The following VPS4B variants were observed in gnomAD, a reference collection of about 807,000 sequenced individuals.
VPS4B encodes vacuolar protein sorting 4 homolog B.
In VPS4B, 23 loss-of-function variants were observed where a neutral mutation model predicts 56.1. That is an observed-to-expected ratio of 0.41 (90% CI 0.30 to 0.58). The LOEUF is 0.58. VPS4B is among the 20% of genes least tolerant of loss of function. VPS4B has a pLI of 0.29. For missense variants in VPS4B, 372 were observed against 531.9 expected (o/e 0.70, Z 2.96); for synonymous variants, 177 against 186.0 (o/e 0.95, Z 0.39).
In VPS4B at chr18:63,410,328, T is replaced by C. The variant is rs770003960; in HGVS notation, c.258A>G (p.Pro86=). ...CTGGACTCGGCTGTCCTTCTTTCAC[T>C]GGCTTCTGTGCTTTTTTCTCTTTAT... ...LKNKEKKAQK[P]VKEGQPSPAD... Residue 86 remains proline (P), a synonymous_variant, in exon 3 of 11, where the codon CCA becomes CCG. Coordinates refer to ENST00000238497, the MANE Select transcript of VPS4B (RefSeq NM_004869.4). 1.9e-6 allele frequency: 3 copies of C among 1,614,128 alleles called. No homozygotes were observed. Among genetic ancestry groups the C allele is most frequent in the Non-Finnish European group, 8.5e-7 (1 of 1,180,030 alleles).
intron 9 of VPS4B, among the ~76,000 whole-genome samples, chr18:63,394,128 A>T (rs1915617756): frequency 6.6e-6 from 1 of 152,236 alleles, no homozygotes; most frequent in African/African-American, 2.4e-5. Context: ...AGTTAAAAAA[A>T]AAATAGTTAC....
chr18:63,393,850 C>T (rs1255085680), intron 9 of VPS4B, among the ~76,000 whole-genome samples: 1 of 151,952 alleles, frequency 6.6e-6, no homozygotes, highest in African/African-American at 2.4e-5. Flanking sequence ...GATTCTCATC[C>T]CTCAGCCTCC....
At chr18:63,417,779 T>C (rs1971848534) in intron 1 of VPS4B, among the ~76,000 whole-genome samples, 1 of 152,192 alleles carries the variant, frequency 6.6e-6, no homozygotes. Flanking sequence ...TCTAGCACAG[T>C]GGCTGACACA....
Position 63,400,713 on chromosome 18 carries a change from A to T in VPS4B, c.485-10T>A. 6.3e-7 allele frequency: 1 copy of T among 1,594,498 alleles called. No homozygotes were observed. Among genetic ancestry groups the T allele is most frequent in the Non-Finnish European group, 8.5e-7 (1 of 1,175,524 alleles). ...CAAGGTGTTCTCTTGCCTAAAATTTAGATTTAGAAAAATGTCATGAGAATT... is the reference window on the plus strand; with the variant it reads ...CAAGGTGTTCTCTTGCCTAAAATTTTGATTTAGAAAAATGTCATGAGAATT... On this transcript the variant is annotated splice_polypyrimidine_tract_variant and intron_variant, in intron 5 of 10. Transcript: ENST00000238497.
At chr18:63,411,344 T>A (rs76661872) in intron 2 of VPS4B, 123 bp downstream of exon 2, 1 of 218,664 alleles carries the variant, frequency 4.6e-6, no homozygotes, top group Non-Finnish European at 7.9e-6. Flanking sequence ...AAGTGGAGTA[T>A]TTTTTTTTTT....
At chr18:63,400,271 A>C in intron 6 of VPS4B, 75 bp from the exon 7 acceptor site, 1 of 1,392,744 alleles carries the variant, frequency 7.2e-7, no homozygotes, top group South Asian at 1.4e-5. Flanking sequence ...TCAATATTAC[A>C]AGAACTCTGT....
At chr18:63,395,491 G>C (rs1353928337) in intron 9 of VPS4B, among the ~76,000 whole-genome samples, 2 of 152,082 alleles carry the variant, frequency 1.3e-5, no homozygotes, top group Admixed American at 1.3e-4. Flanking sequence ...AGAAGTAATA[G>C]AATTTGCTCA....
chr18:63,412,346 A>T (rs1274371026), intron 1 of VPS4B, among the ~76,000 whole-genome samples: 1 of 152,248 alleles, frequency 6.6e-6, no homozygotes, highest in Non-Finnish European at 1.5e-5. Context: ...AAAAGATGGG[A>T]AGGAAATTGT....
intron 8 of VPS4B, among the ~76,000 whole-genome samples, chr18:63,398,224 T>TA (rs200704125): frequency 0.03 from 1,409 of 46,604 alleles, 30 homozygotes; most frequent in African/African-American, 0.078. Flanking sequence ...TATATATATA[T>TA]TTTTTTTTGA....
intron 3 of VPS4B, among the ~76,000 whole-genome samples, chr18:63,409,741 A>G (rs1315191577): frequency 6.6e-6 from 1 of 152,248 alleles, no homozygotes; most frequent in Non-Finnish European, 1.5e-5. Context: ...CATAAAGCAA[A>G]TCTAACACAA....
At position 63,406,283 on chromosome 18, in the gene VPS4B, T is replaced by C. The variant is rs115919888; in HGVS notation, c.364+1149A>G. ...GGACTATATCTACCACTGAAGTTCT[T>C]GGCATCTAAAGATGTTCTCTATTCA... On this transcript the variant is annotated intron_variant, in intron 4 of 10. Transcript: ENST00000238497. Among the ~76,000 whole-genome samples, 1,065 of 152,320 alleles carry C rather than the reference T, an allele frequency of 7.0e-3. 11 individuals carry two copies. The highest frequency in any genetic ancestry group is 0.025 in the African/African-American group (1,024 of 41,572).
chr18:63,392,357 C>A (rs1468157011), intron 10 of VPS4B, among the ~76,000 whole-genome samples: 2 of 152,118 alleles, frequency 1.3e-5, no homozygotes, highest in Non-Finnish European at 2.9e-5. Context: ...AATAGAACTA[C>A]AATATTTAAA....
chr18:63,392,289 G>A (rs1915566175), intron 10 of VPS4B, among the ~76,000 whole-genome samples: 1 of 152,136 alleles, frequency 6.6e-6, no homozygotes, highest in Non-Finnish European at 1.5e-5. Context: ...AGTAAGTCTT[G>A]TAGATTATTT....
chr18:63,410,994 C>T (rs1370202356), intron 2 of VPS4B, among the ~76,000 whole-genome samples: 1 of 152,118 alleles, frequency 6.6e-6, no homozygotes, highest in African/African-American at 2.4e-5. Context: ...GGGATGAGCC[C>T]CACATAGCTT....
chr18:63,402,017 A>T (rs1043356574), intron 5 of VPS4B, among the ~76,000 whole-genome samples: 37 of 152,100 alleles, frequency 2.4e-4, no homozygotes, highest in Admixed American at 2.0e-3. Flanking sequence ...AAACAAAACA[A>T]AACAAAAAAA....
At chr18:63,406,042 C>T (rs772337270) in intron 4 of VPS4B, among the ~76,000 whole-genome samples, 1 of 151,946 alleles carries the variant, frequency 6.6e-6, no homozygotes, top group Non-Finnish European at 1.5e-5. Context: ...AGATATGCAA[C>T]TGATTTTTAC....
In VPS4B at chr18:63,418,691, C is replaced by T. The variant is rs1472535255; in HGVS notation, c.27+3542G>A. ...CTGGGATTACAGGCATGAGCCACTGCGCCTGGCCTGGTTTTACTTTTGATT... is the reference window on the plus strand; with the variant it reads ...CTGGGATTACAGGCATGAGCCACTGTGCCTGGCCTGGTTTTACTTTTGATT... On this transcript the variant is annotated intron_variant, in intron 1 of 10. Coordinates refer to ENST00000238497, the MANE Select transcript of VPS4B (RefSeq NM_004869.4). 4.6e-5 allele frequency among the ~76,000 whole-genome samples: 7 copies of T among 152,278 alleles called. No homozygotes were observed. In the South Asian group the frequency reaches 1.0e-3, roughly 23 times the overall value.
chr18:63,397,236 T>C lies in VPS4B; in HGVS notation c.890A>G (p.Tyr297Cys). 5 of 1,600,302 alleles carry C rather than the reference T, an allele frequency of 3.1e-6. No homozygotes were observed. The highest frequency in any genetic ancestry group is 4.3e-6 in the Non-Finnish European group (5 of 1,174,264). ...GGCATGGGGTTCCGGCAAGGGAATA[T>C]AAATTCGTTTCTCAAATCTTAAAAG... is the stretch of plus-strand genomic sequence containing the variant. ...AIRRRFEKRI[Y>C]IPLPEPHARA... The change falls in exon 9 of 11, where the codon TAT becomes TGT. Residue 297 changes from tyrosine to cysteine, a missense_variant. By Grantham distance (194) the Tyr-to-Cys change is radical. Transcript: ENST00000238497.
chr18:63,400,312 C>T, intron 6 of VPS4B, 116 bp from the exon 7 acceptor site: 1 of 1,221,622 alleles, frequency 8.2e-7, no homozygotes, highest in Non-Finnish European at 1.1e-6. Flanking sequence ...GTTTCAGGTA[C>T]AGAAAATAAG....
Sources: gnomAD v4.1 joint callset for allele counts (sites outside exome capture counted in the v4.1 genomes callset) on GRCh38, gnomAD v4.1.1 for gene constraint, MANE v1.5 for transcripts, NCBI Gene and HGNC (gene_info 2026-07-23, HGNC 2026-07-21) for gene names.